UNC13C: variants seen among roughly 807,000 people sequenced by gnomAD.
UNC13C encodes protein unc-13 homolog C.
UNC13C carries 174 observed loss-of-function variants against 245.4 expected under a neutral mutation model. The observed-to-expected ratio is 0.71, with a 90% confidence interval of 0.63 to 0.80. UNC13C has a LOEUF of 0.80. UNC13C is among the 30% of genes least tolerant of loss of function. The probability of loss-of-function intolerance (pLI) is 0.00; values close to 1 mark genes in which losing one functional copy is unlikely to be tolerated. For synonymous variants in UNC13C, 992 were observed against 895.1 expected (o/e 1.11, Z -1.93); for missense variants, 2,829 against 2,602.9 (o/e 1.09, Z -1.89).
intron 19 of UNC13C, among the ~76,000 whole-genome samples, chr15:54,489,781 A>T (rs1177315365): frequency 6.6e-6 from 1 of 152,202 alleles, no homozygotes; most frequent in Non-Finnish European, 1.5e-5. Context: ...AAACCAACAA[A>T]ATCTTATGTT....
At chr15:54,598,586 G>T (rs574484275) in intron 30 of UNC13C, among the ~76,000 whole-genome samples, 2 of 152,278 alleles carry the variant, frequency 1.3e-5, no homozygotes, top group South Asian at 2.1e-4. Flanking sequence ...ATGTGTTGAG[G>T]TTTCCTAAAA....
chr15:54,123,995 TG>T (rs2030858578), intron 2 of UNC13C, among the ~76,000 whole-genome samples: 2 of 152,178 alleles, frequency 1.3e-5, no homozygotes, highest in Non-Finnish European at 2.9e-5. Flanking sequence ...CATAATGCCC[TG>T]AGATCTATTC....
intron 26 of UNC13C, among the ~76,000 whole-genome samples, chr15:54,540,495 C>T (rs572757958): frequency 1.3e-5 from 2 of 152,098 alleles, no homozygotes; most frequent in South Asian, 4.2e-4. Flanking sequence ...TTGATTAATT[C>T]AGACTGAATT....
intron 4 of UNC13C, among the ~76,000 whole-genome samples, chr15:54,200,604 T>A (rs72748239): frequency 0.18 from 27,917 of 151,936 alleles, 3,120 homozygotes; most frequent in Middle Eastern, 0.29. Context: ...AGATGGGAAT[T>A]AAAAAATTCT....
intron 19 of UNC13C, among the ~76,000 whole-genome samples, chr15:54,432,537 T>C (rs1262861904): frequency 6.6e-6 from 1 of 152,000 alleles, no homozygotes; most frequent in East Asian, 1.9e-4. Context: ...AATAAATTAT[T>C]TCTTTGAAAC....
intron 19 of UNC13C, among the ~76,000 whole-genome samples, chr15:54,487,702 G>C (rs1171610306): frequency 1.4e-5 from 2 of 147,254 alleles, no homozygotes; most frequent in East Asian, 4.1e-4. Context: ...AGGAGGTGGA[G>C]GTTGCCATGA....
rs189126791 is a variant in UNC13C, at chr15:54,605,308, G to A, written c.6107-17019G>A. On this transcript the variant is annotated intron_variant, in intron 30 of 32. Coordinates refer to ENST00000260323, the MANE Select transcript of UNC13C (RefSeq NM_001080534.3). ...ATCACTGAAACTGCTTTTAAGCTTA[G>A]CACTCTGAGCCAATCCCCAGTCTTA... Among the ~76,000 whole-genome samples, 280 of 152,272 alleles carry A rather than the reference G, an allele frequency of 1.8e-3. 1 individual carries two copies. The highest frequency in any genetic ancestry group is 2.8e-3 in the Non-Finnish European group (193 of 68,022).
chr15:54,624,431 C>T (rs142260012), intron 32 of UNC13C, among the ~76,000 whole-genome samples: 25 of 152,032 alleles, frequency 1.6e-4, no homozygotes, highest in Admixed American at 7.9e-4. Context: ...GACTCTAAGG[C>T]GAGAGCAAGT....
chr15:54,022,719 A>ATTG (rs1895953406), intron 2 of UNC13C, among the ~76,000 whole-genome samples: 1 of 152,070 alleles, frequency 6.6e-6, no homozygotes, highest in South Asian at 2.1e-4. Context: ...CTTTCTGTAA[A>ATTG]TTGTTTCCTT....
chr15:54,115,364 G>T (rs2030164587), intron 2 of UNC13C, among the ~76,000 whole-genome samples: 1 of 151,980 alleles, frequency 6.6e-6, no homozygotes, highest in African/African-American at 2.4e-5. Flanking sequence ...ATTATCAATT[G>T]CATCCTTCAC....
At chr15:54,557,204 C>T (rs75601994) in intron 29 of UNC13C, among the ~76,000 whole-genome samples, 1,560 of 152,072 alleles carry the variant, frequency 0.01, 22 homozygotes, top group African/African-American at 0.036. Flanking sequence ...TTCTCCAGGA[C>T]TGGAGTCTGA....
intron 10 of UNC13C, among the ~76,000 whole-genome samples, chr15:54,270,799 T>C (rs1280066058): frequency 6.6e-6 from 1 of 152,118 alleles, no homozygotes; most frequent in Non-Finnish European, 1.5e-5. Flanking sequence ...TGTAGTACAT[T>C]CGACACTACA....
At chr15:53,854,140 A>C in the UNC13C span, among the ~76,000 whole-genome samples, 1 of 38,926 alleles carries the variant, frequency 2.6e-5, no homozygotes, top group Admixed American at 2.3e-4. Flanking sequence ...TTTTTTTTTG[A>C]GATGGAGTTT....
intron 19 of UNC13C, among the ~76,000 whole-genome samples, chr15:54,465,624 G>A (rs757883597): frequency 1.3e-5 from 2 of 152,002 alleles, no homozygotes; most frequent in Non-Finnish European, 2.9e-5. Context: ...ACTCATTCAG[G>A]ATGGGGAGAA....
chr15:53,976,477 C>CTTTTTTTTTTTTTTTTTTTTTTTTTTTT (rs10682648), upstream of UNC13C, among the ~76,000 whole-genome samples: 7 of 63,018 alleles, frequency 1.1e-4, 1 homozygote, highest in South Asian at 8.5e-4. Flanking sequence ...CTCTCTCTCT[C>CTTTTTTTTTTTTTTTTTTTTTTTTTTTT]TTTTTTTTTT....
chr15:54,434,924 T>G (rs1244873530), intron 19 of UNC13C, among the ~76,000 whole-genome samples: 1 of 152,062 alleles, frequency 6.6e-6, no homozygotes, highest in East Asian at 1.9e-4. Flanking sequence ...GCAATGGATA[T>G]GAACAGATAT....
rs150131674 is a variant in UNC13C at position 54,306,585 on chromosome 15, A to C, written c.4268+6212A>C. Among the ~76,000 whole-genome samples the C allele has an allele frequency of 5.2e-3, 790 of 151,986 alleles. 3 individuals are homozygous for C. The highest frequency in any genetic ancestry group is 7.9e-3 in the Non-Finnish European group (539 of 67,924). On this transcript the variant is annotated intron_variant, in intron 13 of 32. Transcript: ENST00000260323. ...GTTCACAGCTGAACACATCCGGGGA[A>C]TTCTATATCAGTCATTATGGTTTAA...
intron 2 of UNC13C, among the ~76,000 whole-genome samples, chr15:54,074,316 C>A (rs1898483723): frequency 6.6e-6 from 1 of 152,112 alleles, no homozygotes; most frequent in Admixed American, 6.5e-5. Context: ...TAGCATGATG[C>A]CTCTAGCTTT....
intron 2 of UNC13C, among the ~76,000 whole-genome samples, chr15:54,060,617 G>A (rs970290249): frequency 6.6e-6 from 1 of 151,896 alleles, no homozygotes; most frequent in African/African-American, 2.4e-5. Context: ...CCCATTACTG[G>A]GTATATACCC....
Sources: gnomAD v4.1 joint callset for allele counts (sites outside exome capture counted in the v4.1 genomes callset) on GRCh38, gnomAD v4.1.1 for gene constraint, MANE v1.5 for transcripts, NCBI Gene and HGNC (gene_info 2026-07-23, HGNC 2026-07-21) for gene names.